The following GRAMD1B variants were observed in gnomAD, a reference collection of about 807,000 sequenced individuals.
The protein encoded by GRAMD1B is protein Aster-B.
Under a neutral mutation model 99.7 loss-of-function variants are expected in GRAMD1B, and 37 were observed. The ratio of observed to expected loss-of-function variants is 0.37; its 90% CI spans 0.29 to 0.49. The LOEUF is 0.49. Among genes scored for constraint, GRAMD1B ranks in the 20% least tolerant of loss-of-function variants. GRAMD1B has a pLI of 0.98. For missense variants in GRAMD1B, 888 were observed against 1,009.2 expected, an observed-to-expected ratio of 0.88 and a Z score of 1.63; for synonymous variants, 427 against 387.6, an observed-to-expected ratio of 1.10 and a Z score of -1.19.
rs554480093 is a variant in GRAMD1B, at chr11:123,437,527, T to C, written c.374+6361T>C. On this transcript the variant is annotated intron_variant, in intron 1 of 19. Transcript: ENST00000635736. ...CCAGTATACCTTCACTGTTACTATC[T>C]TTTGTACCATCTTTCACCTGGCTGT... is the stretch of plus-strand genomic sequence containing the variant. Among the ~76,000 whole-genome samples, 3 of 152,280 alleles carry C rather than the reference T, an allele frequency of 2.0e-5. No individual in the cohort carries two copies. In the South Asian group the frequency reaches 6.2e-4, roughly 32 times the overall value.
chr11:123,552,955 CTA>C (rs1344850465), intron 2 of GRAMD1B, among the ~76,000 whole-genome samples: 2 of 152,094 alleles, frequency 1.3e-5, no homozygotes, highest in African/African-American at 4.8e-5. Context: ...GATCACTAGT[CTA>C]TGTTTTCTAA....
chr11:123,429,490 G>C (rs1948770929), upstream of GRAMD1B, among the ~76,000 whole-genome samples: 1 of 152,154 alleles, frequency 6.6e-6, no homozygotes, highest in African/African-American at 2.4e-5. This position sits in a 1 kb window ranked among gnomAD's most constrained non-coding sequence, Gnocchi z 4.0. Flanking sequence ...GTCCATGGCA[G>C]GCTGAAGCAG....
At chr11:123,578,285 G>A in intron 3 of GRAMD1B, 1 of 770,826 alleles carries the variant, frequency 1.3e-6, no homozygotes, top group Middle Eastern at 2.2e-4. Context: ...CTGGGAAGGG[G>A]TTGGGGACCC....
At chr11:123,515,140 G>C (rs977513116) in intron 2 of GRAMD1B, among the ~76,000 whole-genome samples, 18 of 152,218 alleles carry the variant, frequency 1.2e-4, no homozygotes, top group African/African-American at 4.3e-4. Flanking sequence ...AGTCTAGGGT[G>C]AATCGTTGGT....
intron 1 of GRAMD1B, among the ~76,000 whole-genome samples, chr11:123,433,736 A>G (rs547322671): frequency 4.0e-4 from 61 of 151,958 alleles, no homozygotes; most frequent in African/African-American, 1.5e-3. Context: ...GAAGAAAAAA[A>G]TCTTGCATTG....
chr11:123,586,799 G>A (rs1397976593), intron 4 of GRAMD1B, among the ~76,000 whole-genome samples: 3 of 152,202 alleles, frequency 2.0e-5, no homozygotes, highest in Non-Finnish European at 4.4e-5. Flanking sequence ...CTTCAGGCAG[G>A]ATCCCTCTCC....
intron 1 of GRAMD1B, among the ~76,000 whole-genome samples, chr11:123,409,818 A>G (rs1947978333): frequency 6.6e-6 from 1 of 152,222 alleles, no homozygotes; most frequent in South Asian, 2.1e-4. Flanking sequence ...AAAACCCACA[A>G]CAAGCAGCTC....
chr11:123,377,776 C>T (rs1385379825), intron 1 of GRAMD1B, among the ~76,000 whole-genome samples: 1 of 152,196 alleles, frequency 6.6e-6, no homozygotes, highest in African/African-American at 2.4e-5. Context: ...CAATGGAAGA[C>T]CCTGAACTAG....
chr11:123,452,936 G>A (rs1194107581), intron 1 of GRAMD1B, among the ~76,000 whole-genome samples: 1 of 152,174 alleles, frequency 6.6e-6, no homozygotes, highest in Non-Finnish European at 1.5e-5. Flanking sequence ...TGTTTCACAG[G>A]CACCACTGAA....
Position 123,431,028 on chromosome 11 carries a change from C to T in GRAMD1B, c.236C>T (p.Ser79Phe), listed in dbSNP as rs1216607680. Residue 79 changes from serine (S) to phenylalanine (F), a missense_variant, in exon 1 of 20, where the codon TCC becomes TTC. This residue lies in a region of GRAMD1B where 233 missense variants were observed against 154.6 expected (regional missense o/e 1.51). Coordinates refer to ENST00000635736, the MANE Select transcript of GRAMD1B (RefSeq NM_001387025.1). The stretch of plus-strand genomic sequence containing the variant: ...GGCAAGGAGTTCCTGCAGCTGCCGT[C>T]CATCGAGATCACGCCCTCCAGCGAC... ...APGKEFLQLP[S>F]IEITPSSDED... is the part of the protein sequence containing the mutation. 3 of 702,928 alleles carry T rather than the reference C, an allele frequency of 4.3e-6. No individual in the cohort carries two copies. The allele number at this position is 702,928 out of a possible 1,614,324, so 43.5% of individuals were successfully genotyped here. A position where few individuals can be genotyped will look rare whatever the true frequency, so the allele number is the denominator to read the frequency against.
rs1228437064 is a variant in GRAMD1B at position 123,422,056 on chromosome 11, CTCA to C, written c.-175-58757_-175-58755del. Among the ~76,000 whole-genome samples the C allele has an allele frequency of 2.6e-5, 4 of 152,308 alleles. No individual in the cohort carries two copies. In the East Asian group the frequency reaches 7.7e-4, roughly 29 times the overall value. On this transcript the variant is annotated intron_variant, in intron 1 of 20. Coordinates refer to the GRAMD1B transcript ENST00000638157. Reference sequence around the variant, plus strand: ...AGACGTTGTAGATTACCTAGCATAACTCATCCCTAAATCTCAATTTCAGAGTAT... The same window carrying C: ...AGACGTTGTAGATTACCTAGCATAACTCCCTAAATCTCAATTTCAGAGTAT...
intron 2 of GRAMD1B, among the ~76,000 whole-genome samples, chr11:123,548,345 C>CATATATATATATATATAT (rs2082047090): frequency 8.6e-6 from 1 of 116,094 alleles, no homozygotes; most frequent in African/African-American, 4.3e-5. Context: ...CACACACACA[C>CATATATATATATATATAT]ACACATATAT....
chr11:123,418,968 C>T (rs1374131337), intron 1 of GRAMD1B, among the ~76,000 whole-genome samples: 5 of 152,184 alleles, frequency 3.3e-5, no homozygotes, highest in Admixed American at 1.3e-4. Context: ...CAGTCACAGT[C>T]TTAGGGTGGG....
chr11:123,594,867 T>A (rs1951079840), intron 6 of GRAMD1B, 29 bp downstream of exon 6: 1 of 1,182,384 alleles, frequency 8.5e-7, no homozygotes, highest in Admixed American at 1.7e-5. Context: ...TCCCTTGGGC[T>A]GTCTCCTTGG....
intron 1 of GRAMD1B, among the ~76,000 whole-genome samples, chr11:123,460,718 G>A (rs1181138411): frequency 6.6e-6 from 1 of 152,208 alleles, no homozygotes; most frequent in Non-Finnish European, 1.5e-5. Context: ...ACAGGAGTGG[G>A]GCAGGGAAGG....
Position 123,404,795 on chromosome 11 carries a change from C to T in GRAMD1B, c.-176+45996C>T, listed in dbSNP as rs560969246. Among the ~76,000 whole-genome samples the T allele has an allele frequency of 1.4e-4, 21 of 152,364 alleles. No homozygotes were observed. In the East Asian group the frequency reaches 2.5e-3, roughly 18 times the overall value. ...GCAGCCTTGCAGGCAAGTCGATACT[C>T]ATCGTTAAGAGACAAACGCAGCCTG... On this transcript the variant is annotated intron_variant, in intron 1 of 20. Transcript: ENST00000638157.
chr11:123,507,250 C>T (rs952386210), intron 2 of GRAMD1B, among the ~76,000 whole-genome samples: 16 of 152,192 alleles, frequency 1.1e-4, no homozygotes, highest in Non-Finnish European at 1.6e-4. Flanking sequence ...GAGAAGATGA[C>T]GTGTAGATTG....
At chr11:123,579,905 G>A (rs1314406214) in intron 3 of GRAMD1B, among the ~76,000 whole-genome samples, 2 of 152,182 alleles carry the variant, frequency 1.3e-5, no homozygotes, top group Admixed American at 1.3e-4. Context: ...GAGCTGAGCA[G>A]GAATCAGGGG....
chr11:123,502,904 C>CA (rs1292029421), intron 2 of GRAMD1B, among the ~76,000 whole-genome samples: 2 of 152,036 alleles, frequency 1.3e-5, no homozygotes, highest in Non-Finnish European at 2.9e-5. Context: ...TATAGTTGGG[C>CA]AAAATCATCT....
Sources: gnomAD v4.1 joint callset for allele counts (sites outside exome capture counted in the v4.1 genomes callset) on GRCh38, gnomAD v4.1.1 for gene constraint, gnomAD v4.1.1 regional missense constraint, Gnocchi (gnomAD v3.1) non-coding constraint, MANE v1.5 for transcripts, NCBI Gene and HGNC (gene_info 2026-07-23, HGNC 2026-07-21) for gene names.